ANKRD30B: variants seen among roughly 807,000 people sequenced by gnomAD.
ANKRD30B encodes the protein ankyrin repeat domain 30B.
A neutral mutation model predicts 202.2 loss-of-function variants in ANKRD30B; 144 were observed. The observed-to-expected ratio is 0.71, with a 90% CI of 0.62 to 0.82. ANKRD30B has a LOEUF of 0.82. ANKRD30B is among the 40% of genes least tolerant of loss of function. ANKRD30B has a pLI of 0.00. For synonymous variants in ANKRD30B, 508 were observed against 561.3 expected (o/e 0.91, Z 1.34); for missense variants, 1,487 against 1,669.1 (o/e 0.89, Z 1.90).
chr18:14,892,912 C>T, the ANKRD30B span, among the ~76,000 whole-genome samples: 1,488 of 151,904 alleles, frequency 9.8e-3, 13 homozygotes, highest in Non-Finnish European at 0.016. Context: ...GAGGCTCTGT[C>T]TCAAAATAAT....
intron 16 of ANKRD30B, among the ~76,000 whole-genome samples, chr18:14,795,370 T>G (rs1386611681): frequency 1.3e-5 from 2 of 152,210 alleles, no homozygotes; most frequent in Non-Finnish European, 2.9e-5. Flanking sequence ...ATGATTTTTG[T>G]ATTTTTTGTG....
the ANKRD30B span, among the ~76,000 whole-genome samples, chr18:14,890,444 C>T: frequency 1.3e-5 from 2 of 151,522 alleles, no homozygotes; most frequent in South Asian, 2.1e-4. Context: ...AGGATTATTG[C>T]ATTGCTCTTA....
In ANKRD30B at chr18:14,797,286, G is replaced by A. The variant is rs556384895; in HGVS notation, c.1928-375G>A. Among the ~76,000 whole-genome samples, 7 of 152,178 alleles carry A rather than the reference G, an allele frequency of 4.6e-5. No homozygotes were observed. In the South Asian group the frequency reaches 1.5e-3, roughly 32 times the overall value. ...AGAGCTATGAACATATGCCTTTCTG[G>A]GACAGGAATCTTGGTGACGCGAAAC... On this transcript the variant is annotated intron_variant, in intron 18 of 43. Coordinates refer to ENST00000690538, the MANE Select transcript of ANKRD30B (RefSeq NM_001367607.2).
chr18:14,772,118 G>C, intron 8 of ANKRD30B, 38 bp from the exon 9 acceptor site: 6 of 1,289,278 alleles, frequency 4.7e-6, no homozygotes, highest in Non-Finnish European at 6.2e-6. Flanking sequence ...TTAAATATAT[G>C]AATTTGCTCA....
At chr18:14,929,834 G>A in the ANKRD30B span, among the ~76,000 whole-genome samples, 3,970 of 152,250 alleles carry the variant, frequency 0.026, 69 homozygotes, top group Non-Finnish European at 0.041. Context: ...AGTGCTAGGT[G>A]TAATAGATAA....
At chr18:14,922,080 G>A in the ANKRD30B span, among the ~76,000 whole-genome samples, 1 of 152,210 alleles carries the variant, frequency 6.6e-6, no homozygotes. Context: ...AGGAAAGACA[G>A]TCTTAAATTG....
the ANKRD30B span, chr18:14,888,732 G>A: frequency 3.3e-6 from 3 of 921,184 alleles, no homozygotes; most frequent in South Asian, 1.7e-5. Flanking sequence ...AAGAACGTGG[G>A]CTGTTTTTGT....
At chr18:14,818,953 G>A (rs916701379) in intron 30 of ANKRD30B, among the ~76,000 whole-genome samples, 11 of 151,984 alleles carry the variant, frequency 7.2e-5, no homozygotes, top group Non-Finnish European at 1.6e-4. Context: ...TTCCACAATG[G>A]TTGAACTAGT....
chr18:14,785,362 C>T (rs1036313633), intron 14 of ANKRD30B, among the ~76,000 whole-genome samples: 1 of 152,088 alleles, frequency 6.6e-6, no homozygotes, highest in Non-Finnish European at 1.5e-5. Context: ...CCATAAAGGA[C>T]ACAATTAACT....
chr18:14,760,415 CTT>C (rs1189915542), intron 5 of ANKRD30B, 137 bp from the exon 6 acceptor site: 2 of 534,934 alleles, frequency 3.7e-6, no homozygotes, highest in African/African-American at 4.0e-5. Flanking sequence ...AGCTTACAAA[CTT>C]AAAGTCTGTG....
At position 14,748,370 on chromosome 18, in the gene ANKRD30B, G is replaced by A; in HGVS notation, c.-50G>A. The A allele has an allele frequency of 7.1e-7, 1 of 1,404,270 alleles. No individual in the cohort carries two copies. The highest frequency in any genetic ancestry group is 9.4e-7 in the Non-Finnish European group (1 of 1,067,004). The allele number at this position is 1,404,270 out of a possible 1,614,324, so 87.0% of individuals were successfully genotyped here. A position where few individuals can be genotyped will look rare whatever the true frequency, so the allele number is the denominator to read the frequency against. ...AAGCGAGGGCGAGGGGTAGGGGCTG[G>A]GGAAGGGCGAGCGGGAGGCGCGGGC... On this transcript the variant is annotated 5_prime_UTR_variant, in exon 1 of 44. Coordinates refer to ENST00000690538, the MANE Select transcript of ANKRD30B (RefSeq NM_001367607.2).
chr18:14,882,224 C>T, the ANKRD30B span, among the ~76,000 whole-genome samples: 1 of 152,164 alleles, frequency 6.6e-6, no homozygotes, highest in Non-Finnish European at 1.5e-5. Context: ...TGTGCTCTTT[C>T]AGACTTTTTG....
the ANKRD30B span, among the ~76,000 whole-genome samples, chr18:14,879,958 T>C: frequency 2.0e-5 from 3 of 152,254 alleles, no homozygotes; most frequent in African/African-American, 7.2e-5. Context: ...TCCTTGCCTA[T>C]ACCAATGTCT....
the ANKRD30B span, among the ~76,000 whole-genome samples, chr18:14,931,985 GC>G: frequency 3.1e-4 from 7 of 22,542 alleles, no homozygotes; most frequent in Non-Finnish European, 3.5e-4. Context: ...ACTGTCCCAG[GC>G]CCCCCACCCC....
At chr18:14,798,938 G>A (rs554250741) in intron 20 of ANKRD30B, among the ~76,000 whole-genome samples, 163 bp from the exon 21 acceptor site, 10 of 152,138 alleles carry the variant, frequency 6.6e-5, no homozygotes, top group South Asian at 4.2e-4. Context: ...CCTACAGTTG[G>A]CATGTTAACA....
the ANKRD30B span, among the ~76,000 whole-genome samples, chr18:14,879,300 C>G: frequency 2.0e-5 from 3 of 150,686 alleles, no homozygotes; most frequent in African/African-American, 7.3e-5. Context: ...CAAGGCGAGG[C>G]GGCCACAGTG....
chr18:14,868,492 T>C, the ANKRD30B span, among the ~76,000 whole-genome samples: 11,410 of 119,206 alleles, frequency 0.096, no homozygotes, highest in African/African-American at 0.26. Context: ...GTTTTGGTGT[T>C]GTGGGATCCC....
intron 34 of ANKRD30B, among the ~76,000 whole-genome samples, chr18:14,835,921 A>G (rs959123413): frequency 9.9e-5 from 15 of 152,020 alleles, no homozygotes; most frequent in African/African-American, 2.2e-4. Flanking sequence ...TTTTCATTCA[A>G]TTCAAAGATG....
At chr18:14,771,325 GTA>G (rs1241952242) in intron 8 of ANKRD30B, among the ~76,000 whole-genome samples, 1 of 152,068 alleles carries the variant, frequency 6.6e-6, no homozygotes, top group African/African-American at 2.4e-5. Flanking sequence ...CTTTCTCTCT[GTA>G]TATATAGTAC....
Sources: allele counts gnomAD v4.1 joint callset (sites outside exome capture counted in the v4.1 genomes callset), GRCh38; gene constraint gnomAD v4.1.1; transcripts MANE v1.5; gene names NCBI Gene and HGNC (gene_info 2026-07-23, HGNC 2026-07-21).